Variants in FAM227B observed in about 807,000 individuals in gnomAD.
The protein encoded by FAM227B is family with sequence similarity 227 member B.
Under a neutral mutation model 73.8 loss-of-function variants are expected in FAM227B, and 88 were observed. That is an observed-to-expected ratio of 1.19 (90% confidence interval 1.00 to 1.42). The LOEUF (loss-of-function observed/expected upper bound fraction) is 1.42, where lower values mean the gene tolerates loss of function less well. Ranked by LOEUF, FAM227B falls within the 40% of genes most tolerant of loss-of-function variation. The pLI is 0.00. For synonymous variants in FAM227B, 210 were observed against 190.5 expected (o/e 1.10, Z -0.84); for missense variants, 632 against 590.9 (o/e 1.07, Z -0.72).
chr15:49,362,806 G>A (rs1268128717), intron 13 of FAM227B, among the ~76,000 whole-genome samples: 1 of 152,002 alleles, frequency 6.6e-6, no homozygotes, highest in Non-Finnish European at 1.5e-5. Flanking sequence ...TTTGTATGTC[G>A]TGTATGGAAG....
chr15:49,467,295 AT>A (rs2054353726), intron 11 of FAM227B, among the ~76,000 whole-genome samples: 1 of 151,890 alleles, frequency 6.6e-6, no homozygotes, highest in Non-Finnish European at 1.5e-5. Flanking sequence ...TTTTCTGACC[AT>A]TTTCCCCCTT....
At chr15:49,341,681 T>A (rs2040752573) in intron 13 of FAM227B, among the ~76,000 whole-genome samples, 1 of 152,214 alleles carries the variant, frequency 6.6e-6, no homozygotes, top group Non-Finnish European at 1.5e-5. Context: ...GAGGTAAGCA[T>A]TAGTGCTATA....
At chr15:49,555,848 G>A (rs2073610919) in intron 9 of FAM227B, among the ~76,000 whole-genome samples, 1 of 152,150 alleles carries the variant, frequency 6.6e-6, no homozygotes, top group Non-Finnish European at 1.5e-5. Context: ...ATTAATACTT[G>A]CAACTGTATT....
intron 15 of FAM227B, chr15:49,329,786 T>G: frequency 1.1e-6 from 1 of 945,390 alleles, no homozygotes; most frequent in Non-Finnish European, 1.3e-6. Flanking sequence ...TATAATTCTT[T>G]AAAGATACCT....
At chr15:49,552,954 C>A (rs1282597245) in intron 9 of FAM227B, among the ~76,000 whole-genome samples, 1 of 152,108 alleles carries the variant, frequency 6.6e-6, no homozygotes, top group Non-Finnish European at 1.5e-5. Context: ...TCTGTTTCTC[C>A]AAGACTGGTC....
At chr15:49,498,144 C>A (rs183113931) in intron 11 of FAM227B, among the ~76,000 whole-genome samples, 1 of 152,210 alleles carries the variant, frequency 6.6e-6, no homozygotes, top group African/African-American at 2.4e-5. Context: ...TAATTTTAAG[C>A]CTTAATTTAA....
chr15:49,447,210 G>A lies in FAM227B; in HGVS notation c.1012+61001C>T, dbSNP rs2151865729. Among the ~76,000 whole-genome samples the A allele has an allele frequency of 1.3e-5, 2 of 151,722 alleles. 1 individual carries two copies. The highest frequency in any genetic ancestry group is 4.8e-5 in the African/African-American group (2 of 41,480). On this transcript the variant is annotated intron_variant, in intron 11 of 15. Coordinates refer to ENST00000299338, the MANE Select transcript of FAM227B (RefSeq NM_152647.3). ...TATTATATAATCCACCAGGCCCATT[G>A]TAAATAATCTTGCACTATATTGTTA...
intron 10 of FAM227B, among the ~76,000 whole-genome samples, chr15:49,512,335 A>G (rs2059065908): frequency 6.6e-6 from 1 of 152,134 alleles, no homozygotes; most frequent in Non-Finnish European, 1.5e-5. Context: ...TTCTATATGT[A>G]TACATTACTT....
intron 1 of FAM227B, among the ~76,000 whole-genome samples, chr15:49,618,385 G>A (rs1373235813): frequency 6.6e-6 from 1 of 152,162 alleles, no homozygotes; most frequent in Non-Finnish European, 1.5e-5. Flanking sequence ...AAAATCTACT[G>A]GATTAACTGA....
At chr15:49,601,579 TA>T (rs1166140948) in intron 3 of FAM227B, among the ~76,000 whole-genome samples, 1 of 152,214 alleles carries the variant, frequency 6.6e-6, no homozygotes. Flanking sequence ...CAATGCATAA[TA>T]ATCACGTCAT....
At chr15:49,602,002 C>T (rs925121513) in intron 3 of FAM227B, among the ~76,000 whole-genome samples, 6 of 152,176 alleles carry the variant, frequency 3.9e-5, no homozygotes, top group African/African-American at 1.4e-4. Context: ...GAATAGTACT[C>T]CATGTGTAAA....
At chr15:49,530,699 T>C (rs1479254819) in intron 10 of FAM227B, among the ~76,000 whole-genome samples, 1 of 151,790 alleles carries the variant, frequency 6.6e-6, no homozygotes, top group African/African-American at 2.4e-5. Context: ...AAACTATTTA[T>C]TGTAAAAAGA....
chr15:49,376,539 A>T (rs1051942320), intron 11 of FAM227B, among the ~76,000 whole-genome samples: 1 of 152,040 alleles, frequency 6.6e-6, no homozygotes, highest in African/African-American at 2.4e-5. Context: ...GCAAGTTTTG[A>T]GATCAGGAAT....
chr15:49,620,190 C>T (rs2078600018), intron 1 of FAM227B: 2 of 152,164 alleles, frequency 1.3e-5, no homozygotes, highest in Admixed American at 1.3e-4. Flanking sequence ...TCTTGAAATT[C>T]CTGTAATTTA....
intron 11 of FAM227B, among the ~76,000 whole-genome samples, chr15:49,372,817 C>G (rs2045933414): frequency 6.6e-6 from 1 of 151,860 alleles, no homozygotes; most frequent in African/African-American, 2.4e-5. Flanking sequence ...GATGACAAAC[C>G]TTTTAAGAGT....
intron 9 of FAM227B, among the ~76,000 whole-genome samples, chr15:49,560,030 C>T (rs1007348786): frequency 2.6e-5 from 4 of 151,634 alleles, no homozygotes; most frequent in Admixed American, 6.6e-5. Context: ...GGTTCCTGAC[C>T]AAAAAAGAAA....
At chr15:49,586,285 G>A (rs1347726857) in intron 5 of FAM227B, among the ~76,000 whole-genome samples, 1 of 151,980 alleles carries the variant, frequency 6.6e-6, no homozygotes, top group East Asian at 1.9e-4. Flanking sequence ...ACCAGCAATG[G>A]GAAAAGGACT....
At chr15:49,596,900 C>A (rs8029303) in intron 3 of FAM227B, among the ~76,000 whole-genome samples, 28,444 of 151,710 alleles carry the variant, frequency 0.19, 3,124 homozygotes, top group East Asian at 0.36. Context: ...TGATGAAAGG[C>A]CTAGTCCAAC....
At chr15:49,519,882 C>G (rs1352168486) in intron 10 of FAM227B, among the ~76,000 whole-genome samples, 2 of 152,138 alleles carry the variant, frequency 1.3e-5, no homozygotes, top group Non-Finnish European at 1.5e-5. Flanking sequence ...TCTTTTCCGT[C>G]GCATTATTGG....
Sources: allele counts gnomAD v4.1 joint callset (sites outside exome capture counted in the v4.1 genomes callset), GRCh38; gene constraint gnomAD v4.1.1; transcripts MANE v1.5; gene names NCBI Gene and HGNC (gene_info 2026-07-23, HGNC 2026-07-21).